Variants in TOMM34 observed in about 807,000 individuals in gnomAD.
TOMM34 encodes translocase of outer mitochondrial membrane 34.
TOMM34 carries 24 observed loss-of-function variants against 37.4 expected under a neutral mutation model. The observed-to-expected ratio is 0.64, with a 90% CI of 0.46 to 0.90. The LOEUF (loss-of-function observed/expected upper bound fraction) is 0.90, where lower values mean the gene tolerates loss of function less well. TOMM34 is among the 40% of genes least tolerant of loss of function. The probability of loss-of-function intolerance (pLI) is 0.00; values close to 1 mark genes in which losing one functional copy is unlikely to be tolerated. For missense variants in TOMM34, 304 were observed against 375.6 expected (o/e 0.81, Z 1.58); for synonymous variants, 154 against 148.9 (o/e 1.03, Z -0.25).
intron 4 of TOMM34, among the ~76,000 whole-genome samples, chr20:44,951,155 G>A (rs934368932): frequency 3.9e-5 from 6 of 152,122 alleles, no homozygotes; most frequent in African/African-American, 1.4e-4. Context: ...AGAATAGATT[G>A]AGAAAATGAT....
intron 1 of TOMM34, among the ~76,000 whole-genome samples, chr20:44,958,136 GTA>G (rs774220439): frequency 4.0e-5 from 5 of 123,576 alleles, no homozygotes; most frequent in South Asian, 2.5e-4. Flanking sequence ...ATATGTATAT[GTA>G]TATATATGTG....
At chr20:44,950,105 T>A (rs1485045602) in intron 4 of TOMM34, among the ~76,000 whole-genome samples, 4 of 152,236 alleles carry the variant, frequency 2.6e-5, no homozygotes, top group Non-Finnish European at 5.9e-5. Context: ...TGGGTACATC[T>A]CCCTGTGCAC....
At chr20:44,951,500 G>A (rs917030310) in intron 4 of TOMM34, among the ~76,000 whole-genome samples, 1 of 152,090 alleles carries the variant, frequency 6.6e-6, no homozygotes, top group Non-Finnish European at 1.5e-5. Flanking sequence ...TGAGCTTTCT[G>A]TTTTTGCAAC....
intron 4 of TOMM34, among the ~76,000 whole-genome samples, chr20:44,949,376 G>C (rs1249450648): frequency 6.6e-6 from 1 of 152,164 alleles, no homozygotes. Flanking sequence ...GTAAAGAAAA[G>C]GTATAGCTTC....
chr20:44,950,484 A>ACTGT (rs1321809660), intron 4 of TOMM34, among the ~76,000 whole-genome samples: 1 of 152,176 alleles, frequency 6.6e-6, no homozygotes, highest in East Asian at 1.9e-4. Context: ...GAGGGCCAAG[A>ACTGT]CTGTCCTCTG....
rs75161834 is a variant in TOMM34, at chr20:44,944,356, G to T, written c.699-777C>A. Among the ~76,000 whole-genome samples, 824 of 152,284 alleles carry T rather than the reference G, an allele frequency of 5.4e-3. 6 individuals are homozygous for T. Among genetic ancestry groups the T allele is most frequent in the African/African-American group, 0.019 (783 of 41,558 alleles). Reference sequence around the variant, plus strand: ...CTAAAAACAAAACAGTCAGATGTCTGGGCGCTCATTACATAAGTTCATCTG... The same window carrying T: ...CTAAAAACAAAACAGTCAGATGTCTTGGCGCTCATTACATAAGTTCATCTG... On this transcript the variant is annotated intron_variant, in intron 5 of 6. Coordinates refer to ENST00000372813, the MANE Select transcript of TOMM34 (RefSeq NM_006809.5).
intron 4 of TOMM34, 76 bp from the exon 5 acceptor site, chr20:44,948,953 G>T: frequency 6.5e-7 from 1 of 1,534,554 alleles, no homozygotes; most frequent in East Asian, 2.3e-5. Flanking sequence ...CTTCAGCATC[G>T]TCCCTTCCAA....
chr20:44,943,169 A>C lies in TOMM34; in HGVS notation c.870T>G (p.Ile290Met). 1 of 1,614,118 alleles carries C rather than the reference A, an allele frequency of 6.2e-7. No homozygotes were observed. The highest frequency in any genetic ancestry group is 8.5e-7 in the Non-Finnish European group (1 of 1,180,018). The change falls in exon 7 of 7, where the codon ATT (isoleucine) becomes ATG (methionine). Residue 290 changes from isoleucine (I) to methionine (M), a missense_variant. Physicochemically the swap from Ile to Met is conservative, Grantham distance 10. Transcript: ENST00000372813. ...SFADISNLLQ[I>M]EPRNGPAQKL... ...TCTGTGCAGGACCATTCCTAGGCTC[A>C]ATCTGTAGGAGGTTGCTGATGTCTG... is the stretch of plus-strand genomic sequence containing the variant.
At chr20:44,944,941 G>A (rs941250428) in intron 5 of TOMM34, among the ~76,000 whole-genome samples, 3 of 152,040 alleles carry the variant, frequency 2.0e-5, no homozygotes, top group African/African-American at 7.3e-5. Flanking sequence ...TTCCTTTAAC[G>A]ACTTCTGTAA....
Position 44,960,339 on chromosome 20 carries a change from G to A in TOMM34, c.-6C>T, listed in dbSNP as rs371576618. ...TCTGGGAATTTGGGGGCCATCCCGTGGCCAGGCCGGCGAGTTGGGAGCTCC... is the reference window on the plus strand; with the variant it reads ...TCTGGGAATTTGGGGGCCATCCCGTAGCCAGGCCGGCGAGTTGGGAGCTCC... On this transcript the variant is annotated 5_prime_UTR_variant, in exon 1 of 7. Coordinates refer to ENST00000372813, the MANE Select transcript of TOMM34 (RefSeq NM_006809.5). The A allele has an allele frequency of 2.0e-4, 308 of 1,560,988 alleles. No homozygotes were observed. The highest frequency in any genetic ancestry group is 7.5e-5 in the Non-Finnish European group (87 of 1,153,086).
In TOMM34 at chr20:44,951,698, T is replaced by C. The variant is rs574688466; in HGVS notation, c.550+135A>G. The C allele has an allele frequency of 3.0e-3, 3,255 of 1,102,600 alleles. 5 individuals are homozygous for C. Among genetic ancestry groups the C allele is most frequent in the Non-Finnish European group, 3.8e-3 (2,989 of 787,072 alleles). The allele number at this position is 1,102,600 out of a possible 1,614,324, so 68.3% of individuals were successfully genotyped here. ...AAAACAGTCTCTAAGAGGTGAAGAC[T>C]TGTATTTTGTTTTATACTTTGTTCC... On this transcript the variant is annotated intron_variant, in intron 4 of 6. Coordinates refer to ENST00000372813, the MANE Select transcript of TOMM34 (RefSeq NM_006809.5).
intron 1 of TOMM34, 85 bp downstream of exon 1, chr20:44,960,122 C>G: frequency 2.7e-6 from 4 of 1,478,328 alleles, no homozygotes; most frequent in Non-Finnish European, 3.6e-6. Flanking sequence ...CCGGGCAGGA[C>G]TGCTGGCCGC....
At position 44,951,767 on chromosome 20, in the gene TOMM34, A is replaced by G. The variant is rs1248444652; in HGVS notation, c.550+66T>C. 9 of 1,521,154 alleles carry G rather than the reference A, an allele frequency of 5.9e-6. No homozygotes were observed. In the African/African-American group the frequency reaches 1.1e-4, roughly 19 times the overall value. The allele number at this position is 1,521,154 out of a possible 1,614,324, so 94.2% of individuals were successfully genotyped here. Reference sequence around the variant, plus strand: ...TCAGCTAAACAATGCCAATTTTTGCAGGACTACTCTAAAGAAAATGGATAG... The same window carrying G: ...TCAGCTAAACAATGCCAATTTTTGCGGGACTACTCTAAAGAAAATGGATAG... On this transcript the variant is annotated intron_variant, in intron 4 of 6. Transcript: ENST00000372813.
At chr20:44,959,794 C>T (rs958188037) in intron 1 of TOMM34, 2 of 373,848 alleles carry the variant, frequency 5.3e-6, no homozygotes, top group Non-Finnish European at 7.4e-6. Context: ...CTGATTATCC[C>T]ACAGGTCTCG....
chr20:44,955,208 C>G lies in TOMM34; in HGVS notation c.240G>C (p.Leu80Phe), dbSNP rs1310828042. The G allele has an allele frequency of 6.2e-7, 1 of 1,614,032 alleles. No individual in the cohort carries two copies. Among genetic ancestry groups the G allele is most frequent in the Non-Finnish European group, 8.5e-7 (1 of 1,179,956 alleles). ...GCAGGGGCTTAATGCTGAAGGGAAC[C>G]AAGGCCAGTGCTCTAGAATAGGAGG... Reference protein sequence around the residue: ...CIKDCTSALALVPFSIKPLLR... With the variant: ...CIKDCTSALAFVPFSIKPLLR... Residue 80 changes from leucine (L) to phenylalanine (F), a missense_variant, in exon 3 of 7, where the codon TTG (leucine) becomes TTC (phenylalanine). Coordinates refer to ENST00000372813, the MANE Select transcript of TOMM34 (RefSeq NM_006809.5).
intron 3 of TOMM34, chr20:44,952,723 A>G: frequency 1.4e-6 from 1 of 716,130 alleles, no homozygotes; most frequent in Non-Finnish European, 2.6e-6. Flanking sequence ...CCTAGCAACC[A>G]CCAAGGCCCA....
chr20:44,948,940 T>G (rs2067003686), intron 4 of TOMM34, 63 bp from the exon 5 acceptor site: 2 of 1,579,610 alleles, frequency 1.3e-6, no homozygotes, highest in Admixed American at 1.8e-5. Context: ...ATCAGTGAGG[T>G]CTCTTCAGCA....
intron 4 of TOMM34, among the ~76,000 whole-genome samples, chr20:44,949,402 G>C (rs572284045): frequency 6.6e-6 from 1 of 152,182 alleles, no homozygotes; most frequent in Non-Finnish European, 1.5e-5. Context: ...TATGAGAAAA[G>C]GGGAGAAGAG....
chr20:44,947,209 C>T (rs984119019), intron 5 of TOMM34, among the ~76,000 whole-genome samples: 4 of 152,150 alleles, frequency 2.6e-5, no homozygotes, highest in African/African-American at 9.7e-5. Context: ...TCAAATTAGC[C>T]TGGCAAATTG....
Sources: allele counts gnomAD v4.1 joint callset (sites outside exome capture counted in the v4.1 genomes callset), GRCh38; gene constraint gnomAD v4.1.1; transcripts MANE v1.5; gene names NCBI Gene and HGNC (gene_info 2026-07-23, HGNC 2026-07-21).